The following EBF1 variants were observed in gnomAD, a reference collection of about 807,000 sequenced individuals.
The protein encoded by EBF1 is EBF transcription factor 1.
Under a neutral mutation model 68.4 loss-of-function variants are expected in EBF1, and 10 were observed. That is an observed-to-expected ratio of 0.15 (90% CI 0.09 to 0.25). The LOEUF is 0.25. Ranked by LOEUF, EBF1 falls within the 10% of genes least tolerant of loss-of-function variation. The pLI, the probability that EBF1 is intolerant of heterozygous loss-of-function variation, is 1.00. For synonymous variants in EBF1, 298 were observed against 299.8 expected, an observed-to-expected ratio of 0.99 and a Z score of 0.06; for missense variants, 509 against 794.4, an observed-to-expected ratio of 0.64 and a Z score of 4.32.
chr5:159,071,229 AATGGCAAC>A (rs1487257075), intron 6 of EBF1, among the ~76,000 whole-genome samples: 1 of 152,238 alleles, frequency 6.6e-6, no homozygotes, highest in Non-Finnish European at 1.5e-5. Context: ...CATCAGAAAC[AATGGCAAC>A]AGCCAGCGAA....
chr5:158,785,009 G>T (rs970746821), intron 9 of EBF1, among the ~76,000 whole-genome samples: 1 of 152,090 alleles, frequency 6.6e-6, no homozygotes, highest in South Asian at 2.1e-4. Flanking sequence ...GGACCCTAAA[G>T]CACTTTCCAG....
intron 6 of EBF1, among the ~76,000 whole-genome samples, chr5:158,897,528 C>T (rs717563): frequency 0.058 from 8,818 of 152,040 alleles, 312 homozygotes; most frequent in Non-Finnish European, 0.071. Flanking sequence ...ACACGTTTAC[C>T]TATATAACAA....
At chr5:158,849,878 T>A (rs567405163) in intron 6 of EBF1, among the ~76,000 whole-genome samples, 161 of 152,300 alleles carry the variant, frequency 1.1e-3, no homozygotes, top group African/African-American at 3.8e-3. Context: ...AGGAATAAAT[T>A]AGGAACTAAA....
At chr5:158,734,962 C>G (rs1057423384) in intron 10 of EBF1, among the ~76,000 whole-genome samples, 1 of 152,066 alleles carries the variant, frequency 6.6e-6, no homozygotes, top group African/African-American at 2.4e-5. Flanking sequence ...AATAGAAAAG[C>G]CTCAATGTTT....
intron 6 of EBF1, among the ~76,000 whole-genome samples, chr5:158,853,767 C>T (rs542157082): frequency 3.9e-5 from 6 of 152,204 alleles, no homozygotes; most frequent in Non-Finnish European, 7.3e-5. Context: ...CGCGCACACA[C>T]ACTCACATAC....
intron 6 of EBF1, among the ~76,000 whole-genome samples, chr5:158,954,791 C>A (rs1816730024): frequency 6.6e-6 from 1 of 152,114 alleles, no homozygotes; most frequent in African/African-American, 2.4e-5. Context: ...TTTGTAAGCA[C>A]AAATATTCAC....
rs201664369 is a variant in EBF1, at chr5:158,930,263, T to TG, written c.555-90154_555-90153insC. Among the ~76,000 whole-genome samples the TG allele has an allele frequency of 1.1e-3, 117 of 102,566 alleles. 1 individual carries two copies. The highest frequency in any genetic ancestry group is 5.8e-3 in the South Asian group (13 of 2,248). The allele number at this position is 102,566 out of a possible 152,430, so 67.3% of individuals were successfully genotyped here. A position where few individuals can be genotyped will look rare whatever the true frequency, so the allele number is the denominator to read the frequency against. On this transcript the variant is annotated intron_variant, in intron 6 of 15. Transcript: ENST00000313708. ...CGAGCTGTTTTCTAGTTTTTTTGTT[T>TG]TTTTTTTTGTTTGTTTTTTTTTGGT...
At chr5:158,776,440 G>T (rs141235173) in intron 10 of EBF1, among the ~76,000 whole-genome samples, 149 of 152,248 alleles carry the variant, frequency 9.8e-4, no homozygotes, top group African/African-American at 3.5e-3. Flanking sequence ...CCACTTAATT[G>T]TATGGTTATA....
At position 159,071,517 on chromosome 5, in the gene EBF1, A is replaced by G. The variant is rs535601281; in HGVS notation, c.554+1879T>C. On this transcript the variant is annotated intron_variant, in intron 6 of 15. Coordinates refer to ENST00000313708, the MANE Select transcript of EBF1 (RefSeq NM_024007.5). ...CTGGGACAGATGCAAAGCGGCAACAATAGAAGCCACACTAATGCAATCCAG... is the reference window on the plus strand; with the variant it reads ...CTGGGACAGATGCAAAGCGGCAACAGTAGAAGCCACACTAATGCAATCCAG... 1.2e-4 allele frequency among the ~76,000 whole-genome samples: 18 copies of G among 152,342 alleles called. No homozygotes were observed. The South Asian group carries it at 3.3e-3, about 28-fold the overall frequency.
intron 10 of EBF1, among the ~76,000 whole-genome samples, chr5:158,733,885 G>A (rs776297395): frequency 6.6e-6 from 1 of 152,040 alleles, no homozygotes; most frequent in Non-Finnish European, 1.5e-5. Flanking sequence ...GCATTGACTA[G>A]AGAAAAAAAG....
At position 158,712,338 on chromosome 5, in the gene EBF1, G is replaced by A. The variant is rs757712452; in HGVS notation, c.1370-5C>T. The stretch of plus-strand genomic sequence containing the variant: ...TGCTTGAGTTGCGGGTGAAACCTGA[G>A]GGGCGGGGGCAAAACCGGAGGTGAG... On this transcript the variant is annotated splice_polypyrimidine_tract_variant and splice_region_variant and intron_variant, in intron 13 of 15. Transcript: ENST00000313708. The A allele has an allele frequency of 6.8e-6, 11 of 1,613,198 alleles. No individual in the cohort carries two copies. In the East Asian group the frequency reaches 2.2e-4, roughly 33 times the overall value.
At chr5:158,929,484 T>C (rs1039169319) in intron 6 of EBF1, among the ~76,000 whole-genome samples, 5 of 152,196 alleles carry the variant, frequency 3.3e-5, no homozygotes, top group African/African-American at 7.2e-5. Flanking sequence ...GAACAAACTA[T>C]ATTTTTAAAA....
chr5:158,963,087 C>T (rs1226383381), intron 6 of EBF1, among the ~76,000 whole-genome samples: 1 of 152,210 alleles, frequency 6.6e-6, no homozygotes, highest in Non-Finnish European at 1.5e-5. Context: ...TCACGTATCT[C>T]CTTAACTTCT....
chr5:158,888,843 C>G (rs1800567498), intron 6 of EBF1, among the ~76,000 whole-genome samples: 1 of 152,070 alleles, frequency 6.6e-6, no homozygotes, highest in African/African-American at 2.4e-5. Context: ...TTCTCTTCCT[C>G]CTTCTTCCTC....
intron 11 of EBF1, among the ~76,000 whole-genome samples, chr5:158,719,929 A>C (rs936807820): frequency 1.3e-5 from 2 of 152,138 alleles, no homozygotes; most frequent in African/African-American, 4.8e-5. Context: ...GAAAAAAAAA[A>C]CTACAAGCAT....
chr5:158,790,337 T>C lies in EBF1; in HGVS notation c.909+6008A>G, dbSNP rs554420011. 3.9e-4 allele frequency among the ~76,000 whole-genome samples: 60 copies of C among 152,362 alleles called. 1 individual carries two copies. Among genetic ancestry groups the C allele is most frequent in the African/African-American group, 1.3e-3 (56 of 41,588 alleles). On this transcript the variant is annotated intron_variant, in intron 9 of 15. Transcript: ENST00000313708. The stretch of plus-strand genomic sequence containing the variant: ...GGAGAATAATGGCTCTAAACATTCC[T>C]GGTCTAATCTGAATGATATTCTGCA...
intron 7 of EBF1, among the ~76,000 whole-genome samples, chr5:158,834,878 A>G (rs1192625771): frequency 1.3e-5 from 2 of 152,236 alleles, no homozygotes; most frequent in Non-Finnish European, 2.9e-5. Context: ...GGCAGTGACC[A>G]CTGCACAGAC....
intron 14 of EBF1, among the ~76,000 whole-genome samples, chr5:158,709,793 T>C (rs955747569): frequency 1.3e-5 from 2 of 152,228 alleles, no homozygotes; most frequent in African/African-American, 4.8e-5. Flanking sequence ...CGCTCAATAA[T>C]AACACCCATT....
intron 11 of EBF1, among the ~76,000 whole-genome samples, chr5:158,722,413 C>T (rs571832549): frequency 1.6e-4 from 24 of 152,120 alleles, no homozygotes; most frequent in African/African-American, 2.4e-4. Flanking sequence ...GAATAAATAC[C>T]GAGCTTAAAA....
Sources: gnomAD v4.1 joint callset for allele counts (sites outside exome capture counted in the v4.1 genomes callset) on GRCh38, gnomAD v4.1.1 for gene constraint, MANE v1.5 for transcripts, NCBI Gene and HGNC (gene_info 2026-07-23, HGNC 2026-07-21) for gene names.